DMD: variants seen among roughly 807,000 people sequenced by gnomAD.
DMD encodes dystrophin.
Under a neutral mutation model 330.1 loss-of-function variants are expected in DMD, and 63 were observed. That is an observed-to-expected ratio of 0.19 (90% CI 0.16 to 0.24). DMD has a LOEUF of 0.24. Among genes scored for constraint, DMD ranks in the 10% least tolerant of loss-of-function variants. The probability of loss-of-function intolerance (pLI) is 1.00; values close to 1 mark genes in which losing one functional copy is unlikely to be tolerated. For missense variants in DMD, 3,344 were observed against 2,684.1 expected (o/e 1.25, Z -5.43); for synonymous variants, 1,223 against 959.8 (o/e 1.27, Z -5.07).
chrX:32,284,589 T>C (rs2097432542), intron 43 of DMD, among the ~76,000 whole-genome samples: 1 of 111,814 alleles, frequency 8.9e-6, no homozygotes, highest in African/African-American at 3.3e-5. Context: ...CCACATATAT[T>C]GTGTCAGATA....
intron 49 of DMD, among the ~76,000 whole-genome samples, chrX:31,822,422 G>T (rs2092781659): frequency 8.9e-6 from 1 of 112,109 alleles, no homozygotes; most frequent in Non-Finnish European, 1.9e-5. Context: ...AGAGCTGCAA[G>T]AATGCAATTT....
intron 43 of DMD, among the ~76,000 whole-genome samples, chrX:32,230,689 T>C (rs184347770): frequency 8.5e-4 from 96 of 112,299 alleles, no homozygotes; most frequent in African/African-American, 2.6e-3. Context: ...TTCTGTTTTA[T>C]TGCCTAACAG....
intron 7 of DMD, among the ~76,000 whole-genome samples, chrX:32,806,268 A>G (rs1475562500): frequency 8.9e-6 from 1 of 111,944 alleles, no homozygotes; most frequent in Non-Finnish European, 1.9e-5. Flanking sequence ...AGCAAAAAAA[A>G]TAAAAGCAGG....
chrX:31,266,723 T>G, intron 62 of DMD: 1 of 987,729 alleles, frequency 1.0e-6, no homozygotes, highest in Non-Finnish European at 1.4e-6. Flanking sequence ...CCTGTCCAAG[T>G]TTTGACCGCC....
At chrX:32,173,681 T>TATC (rs1292254500) in intron 44 of DMD, among the ~76,000 whole-genome samples, 1 of 112,027 alleles carries the variant, frequency 8.9e-6, no homozygotes, top group African/African-American at 3.2e-5. Flanking sequence ...TCCTAAAAAT[T>TATC]ATCTTATAAA....
In DMD at chrX:32,870,980, A is replaced by AAAAAAAAAAAAAAAAAAAAAAG. The variant is rs770375159; in HGVS notation, c.94-21161_94-21160insCTTTTTTTTTTTTTTTTTTTTT. 2.2e-4 allele frequency among the ~76,000 whole-genome samples: 8 copies of AAAAAAAAAAAAAAAAAAAAAAG among 37,209 alleles called. 1 individual carries two copies. Among genetic ancestry groups the AAAAAAAAAAAAAAAAAAAAAAG allele is most frequent in the African/African-American group, 5.7e-4 (6 of 10,582 alleles). 32.3% of individuals were successfully genotyped at this position (37,209 alleles called of 115,157 possible). On this transcript the variant is annotated intron_variant, in intron 2 of 78. Transcript: ENST00000357033. The stretch of plus-strand genomic sequence containing the variant: ...CAGCAAAAAAAAAAAAAAAAAAAAA[A>AAAAAAAAAAAAAAAAAAAAAAG]AAAAAAAACCACAAAACCCATCATC...
intron 42 of DMD, among the ~76,000 whole-genome samples, chrX:32,304,850 G>T (rs762202413): frequency 9.0e-6 from 1 of 111,266 alleles, no homozygotes; most frequent in Non-Finnish European, 1.9e-5. Flanking sequence ...AAGTCACAAT[G>T]TATTAATAAA....
At chrX:33,320,003 A>G (rs892311255) in intron 1 of DMD, among the ~76,000 whole-genome samples, 2 of 111,833 alleles carry the variant, frequency 1.8e-5, no homozygotes, top group Non-Finnish European at 3.8e-5. Flanking sequence ...AGATGACTGT[A>G]TGGAATTTAA....
chrX:32,684,781 T>C (rs1446012693), intron 9 of DMD, among the ~76,000 whole-genome samples: 1 of 111,679 alleles, frequency 9.0e-6, no homozygotes, highest in Non-Finnish European at 1.9e-5. Context: ...GCTCATGTTC[T>C]TTATGAATTT....
intron 43 of DMD, among the ~76,000 whole-genome samples, chrX:32,257,454 G>A (rs1204241496): frequency 9.0e-6 from 1 of 111,595 alleles, no homozygotes. Flanking sequence ...GACTGGTACT[G>A]GTAGCAAAAC....
chrX:32,619,999 C>G (rs926925440), intron 11 of DMD, among the ~76,000 whole-genome samples: 4 of 111,573 alleles, frequency 3.6e-5, no homozygotes, highest in Non-Finnish European at 7.5e-5. Context: ...TCTGCTTTCA[C>G]CCTCTTGCCA....
chrX:32,669,467 C>G (rs974862919), intron 9 of DMD, among the ~76,000 whole-genome samples: 1 of 111,752 alleles, frequency 8.9e-6, no homozygotes, highest in African/African-American at 3.3e-5. Flanking sequence ...ATAGATAGAT[C>G]GATCAACAAA....
Position 31,259,383 on chromosome X carries a change from T to C in DMD, c.9286+1572A>G, listed in dbSNP as rs146262853. Among the ~76,000 whole-genome samples, 1,116 of 111,875 alleles carry C rather than the reference T, an allele frequency of 1.0e-2. 13 individuals are homozygous for C. The highest frequency in any genetic ancestry group is 0.034 in the African/African-American group (1,056 of 30,797). On this transcript the variant is annotated intron_variant, in intron 63 of 78. Coordinates refer to ENST00000357033, the MANE Select transcript of DMD (RefSeq NM_004006.3). The stretch of plus-strand genomic sequence containing the variant: ...AGACCAGCTTGCCCAGGACAGCTGC[T>C]GCCCACTTCAGATGAAGCCTTTTCA...
At chrX:33,303,823 C>A (rs2053708927) in intron 1 of DMD, among the ~76,000 whole-genome samples, 2 of 111,588 alleles carry the variant, frequency 1.8e-5, no homozygotes, top group Admixed American at 1.9e-4. Flanking sequence ...TCAATTAAAC[C>A]TCTTTCCTTT....
At chrX:32,986,898 G>T (rs762262576) in intron 2 of DMD, among the ~76,000 whole-genome samples, 1 of 112,324 alleles carries the variant, frequency 8.9e-6, no homozygotes, top group African/African-American at 3.2e-5. Context: ...TAGGGAATGG[G>T]AATGCATTTT....
chrX:32,342,704 GTAAAA>G, intron 40 of DMD: 1 of 266,464 alleles, frequency 3.8e-6, no homozygotes, highest in Non-Finnish European at 6.8e-6. Context: ...AATAAAAAGT[GTAAAA>G]TAATAACAGA....
At chrX:32,217,339 A>G (rs760332174) in intron 43 of DMD, among the ~76,000 whole-genome samples, 1 of 111,949 alleles carries the variant, frequency 8.9e-6, no homozygotes, top group South Asian at 3.7e-4. Flanking sequence ...ATTAAAAGAA[A>G]GATAAAGCAA....
chrX:31,777,361 T>G (rs942777733), intron 50 of DMD, among the ~76,000 whole-genome samples: 1 of 111,270 alleles, frequency 9.0e-6, no homozygotes, highest in Admixed American at 9.6e-5. Context: ...ACACATACAT[T>G]TTTTTTCCTA....
At chrX:33,234,932 G>A (rs754427163) in intron 1 of DMD, among the ~76,000 whole-genome samples, 19 of 111,685 alleles carry the variant, frequency 1.7e-4, no homozygotes, top group Non-Finnish European at 3.6e-4. Context: ...CCATTTACTG[G>A]ACAATGGCTC....
Sources: allele counts gnomAD v4.1 joint callset (sites outside exome capture counted in the v4.1 genomes callset), GRCh38; gene constraint gnomAD v4.1.1; transcripts MANE v1.5; gene names NCBI Gene and HGNC (gene_info 2026-07-23, HGNC 2026-07-21).